CADM2: variants seen among roughly 807,000 people sequenced by gnomAD.
CADM2 encodes the protein cell adhesion molecule 2.
Under a neutral mutation model 49.8 loss-of-function variants are expected in CADM2, and 12 were observed. The observed-to-expected ratio is 0.24, with a 90% confidence interval of 0.15 to 0.39. The LOEUF (loss-of-function observed/expected upper bound fraction) is 0.39. CADM2 is among the 10% of genes least tolerant of loss of function. CADM2 has a pLI of 1.00. For synonymous variants in CADM2, 214 were observed against 175.4 expected, an observed-to-expected ratio of 1.22 and a Z score of -1.74; for missense variants, 378 against 492.3, an observed-to-expected ratio of 0.77 and a Z score of 2.20.
At chr3:85,659,915 G>A (rs900956421) in intron 1 of CADM2, among the ~76,000 whole-genome samples, 17 of 152,154 alleles carry the variant, frequency 1.1e-4, no homozygotes, top group African/African-American at 2.9e-4. Context: ...TTTAGCCAGC[G>A]CAAGACTTCA....
At chr3:85,966,218 A>C (rs558269873) in intron 8 of CADM2, among the ~76,000 whole-genome samples, 1 of 151,714 alleles carries the variant, frequency 6.6e-6, no homozygotes, top group South Asian at 2.1e-4. Flanking sequence ...TTCTGCCAAT[A>C]GCTATACTAT....
At chr3:85,151,268 C>T (rs889072840) in intron 1 of CADM2, among the ~76,000 whole-genome samples, 1 of 152,012 alleles carries the variant, frequency 6.6e-6, no homozygotes, top group East Asian at 1.9e-4. Context: ...CCTAGCCTTT[C>T]CGTTCTACTG....
intron 3 of CADM2, among the ~76,000 whole-genome samples, chr3:85,857,214 A>G (rs561711372): frequency 6.6e-6 from 1 of 152,244 alleles, no homozygotes; most frequent in Admixed American, 6.5e-5. Context: ...CTACTTCCTA[A>G]TACCATCACA....
chr3:85,897,296 T>C (rs1715361868), intron 5 of CADM2, among the ~76,000 whole-genome samples: 2 of 124,696 alleles, frequency 1.6e-5, no homozygotes, highest in African/African-American at 6.2e-5. Context: ...GGAGTCTCGC[T>C]CTGTCGCCCA....
In CADM2 at chr3:86,072,877, GA is replaced by G. The variant is rs1703365076; in HGVS notation, c.*6097del. ...CATAAATAGAAAGAAAAATAATCTA[GA>G]AATTTTTCAAAGCTAGTACTCTTTC... is the stretch of plus-strand genomic sequence containing the variant. On this transcript the variant is annotated 3_prime_UTR_variant, in exon 10 of 10. Coordinates refer to ENST00000383699, the MANE Select transcript of CADM2 (RefSeq NM_001167675.2). The G allele has an allele frequency of 6.6e-6, 1 of 151,930 alleles. No individual in the cohort carries two copies. Among genetic ancestry groups the G allele is most frequent in the African/African-American group, 2.4e-5 (1 of 41,384 alleles). 9.4% of individuals were successfully genotyped at this position (151,930 alleles called of 1,614,324 possible). A position where few individuals can be genotyped will look rare whatever the true frequency, so the allele number is the denominator to read the frequency against.
chr3:85,544,997 G>GCTC (rs2061635039), intron 1 of CADM2, among the ~76,000 whole-genome samples: 1 of 152,058 alleles, frequency 6.6e-6, no homozygotes, highest in Non-Finnish European at 1.5e-5. Flanking sequence ...ACCCAGACCT[G>GCTC]CTCCTTGTCA....
At chr3:85,157,376 C>A (rs539899251) in intron 1 of CADM2, among the ~76,000 whole-genome samples, 1 of 151,384 alleles carries the variant, frequency 6.6e-6, no homozygotes, top group Admixed American at 6.6e-5. Flanking sequence ...GAGCCCGCAT[C>A]GCCAAGTCAA....
At chr3:85,600,805 G>A (rs1046235361) in intron 1 of CADM2, among the ~76,000 whole-genome samples, 5 of 151,272 alleles carry the variant, frequency 3.3e-5, no homozygotes, top group African/African-American at 1.2e-4. Context: ...AGATTATTTG[G>A]TGTTGACTCT....
At chr3:85,752,645 A>T (rs1321722679) in intron 2 of CADM2, among the ~76,000 whole-genome samples, 1 of 152,090 alleles carries the variant, frequency 6.6e-6, no homozygotes, top group Non-Finnish European at 1.5e-5. Context: ...AGCCATTCTG[A>T]TGCCTCCTGT....
At chr3:85,914,295 G>C (rs577648270) in intron 6 of CADM2, among the ~76,000 whole-genome samples, 5 of 152,154 alleles carry the variant, frequency 3.3e-5, no homozygotes, top group Admixed American at 1.3e-4. Flanking sequence ...GTTGAGCTTT[G>C]ATTATAAAGT....
chr3:85,806,977 C>T (rs2072473364), intron 3 of CADM2, among the ~76,000 whole-genome samples: 1 of 152,132 alleles, frequency 6.6e-6, no homozygotes, highest in Non-Finnish European at 1.5e-5. Flanking sequence ...TAAGACCTAA[C>T]AATCAAGGAT....
At chr3:85,250,529 C>G (rs1295587845) in intron 1 of CADM2, among the ~76,000 whole-genome samples, 1 of 151,386 alleles carries the variant, frequency 6.6e-6, no homozygotes, top group Non-Finnish European at 1.5e-5. Flanking sequence ...CACAACTACA[C>G]AAATTGAGCA....
chr3:85,147,937 G>A (rs1435762531), intron 1 of CADM2, among the ~76,000 whole-genome samples: 2 of 152,202 alleles, frequency 1.3e-5, no homozygotes, highest in South Asian at 2.1e-4. Context: ...GAATAGTACC[G>A]TTATTAATTC....
intron 3 of CADM2, among the ~76,000 whole-genome samples, chr3:85,832,786 TA>T (rs771987891): frequency 6.6e-6 from 1 of 151,968 alleles, no homozygotes; most frequent in Non-Finnish European, 1.5e-5. Context: ...TCTATTTGGA[TA>T]CCTTTTATTT....
intron 1 of CADM2, among the ~76,000 whole-genome samples, chr3:85,376,041 C>T (rs560203302): frequency 6.6e-6 from 1 of 152,140 alleles, no homozygotes; most frequent in East Asian, 1.9e-4. Flanking sequence ...TTTACAGCAA[C>T]AATATGAAAT....
chr3:85,765,430 A>G (rs1395051687), intron 2 of CADM2, among the ~76,000 whole-genome samples: 3 of 152,082 alleles, frequency 2.0e-5, no homozygotes, highest in Non-Finnish European at 4.4e-5. Context: ...TATTACAGCC[A>G]GAATTATGCT....
intron 1 of CADM2, among the ~76,000 whole-genome samples, chr3:85,368,225 T>C (rs575481235): frequency 3.3e-5 from 5 of 152,168 alleles, no homozygotes; most frequent in African/African-American, 9.6e-5. Flanking sequence ...TTGTTCAACC[T>C]TGATAGAGAG....
At chr3:85,357,224 A>G (rs975542124) in intron 1 of CADM2, among the ~76,000 whole-genome samples, 2 of 152,108 alleles carry the variant, frequency 1.3e-5, no homozygotes, top group African/African-American at 4.8e-5. Context: ...TTACTAGCAA[A>G]CTGTAGAAAT....
intron 1 of CADM2, among the ~76,000 whole-genome samples, chr3:85,246,387 T>A (rs1224916711): frequency 6.6e-6 from 1 of 151,980 alleles, no homozygotes; most frequent in Non-Finnish European, 1.5e-5. Flanking sequence ...ATGGCACATG[T>A]ACACATATGT....
Sources: allele counts gnomAD v4.1 joint callset (sites outside exome capture counted in the v4.1 genomes callset), GRCh38; gene constraint gnomAD v4.1.1; transcripts MANE v1.5; gene names NCBI Gene and HGNC (gene_info 2026-07-23, HGNC 2026-07-21).